The following ZNF484 variants were observed in gnomAD, a reference collection of about 807,000 sequenced individuals.
The protein encoded by ZNF484 is zinc finger protein 484, also known as KRAB box containing C2H2 type zinc finger bA526D8.4.
ZNF484 carries 11 observed loss-of-function variants against 12.9 expected under a neutral mutation model. That is an observed-to-expected ratio of 0.85 (90% CI 0.54 to 1.41). The LOEUF is 1.41. Among genes scored for constraint, ZNF484 ranks in the 40% most tolerant of loss-of-function variants. The probability of loss-of-function intolerance (pLI) is 0.00; values close to 1 mark genes in which losing one functional copy is unlikely to be tolerated. For synonymous variants in ZNF484, 289 were observed against 334.1 expected (o/e 0.86, Z 1.47); for missense variants, 807 against 1,007.7 (o/e 0.80, Z 2.70).
chr9:92,873,217 G>A (rs1014839987), intron 2 of ZNF484, among the ~76,000 whole-genome samples: 2 of 152,256 alleles, frequency 1.3e-5, no homozygotes, highest in East Asian at 1.9e-4. Context: ...TCTGGTTTTC[G>A]TCTACAAGCC....
chr9:92,855,450 A>G (rs996234088), intron 4 of ZNF484, among the ~76,000 whole-genome samples: 1 of 152,204 alleles, frequency 6.6e-6, no homozygotes, highest in African/African-American at 2.4e-5. Context: ...TTGAATGCAT[A>G]AGGAAATGAT....
At chr9:92,877,502 TATC>T (rs1412769558) in intron 1 of ZNF484, among the ~76,000 whole-genome samples, 1 of 152,150 alleles carries the variant, frequency 6.6e-6, no homozygotes, top group African/African-American at 2.4e-5. Context: ...TAGCAAAATA[TATC>T]ATTATAATGA....
At chr9:92,875,640 A>C (rs144066835) in intron 1 of ZNF484, among the ~76,000 whole-genome samples, 87 of 152,276 alleles carry the variant, frequency 5.7e-4, no homozygotes, top group Middle Eastern at 3.4e-3. Flanking sequence ...TGCCTGTATG[A>C]CTACCGATCA....
rs1855502655 is a variant in ZNF484 at position 92,844,993 on chromosome 9, A to G, written c.*1235T>C. ...TAAGAGACAAATAAATGAAATTATAATGTTATAACTTCTCCCCTTGTCCAG... is the reference window on the plus strand; with the variant it reads ...TAAGAGACAAATAAATGAAATTATAGTGTTATAACTTCTCCCCTTGTCCAG... On this transcript the variant is annotated 3_prime_UTR_variant, in exon 5 of 5. Transcript: ENST00000375495. The G allele has an allele frequency of 6.6e-6, 1 of 152,190 alleles. No individual in the cohort carries two copies. The highest frequency in any genetic ancestry group is 1.5e-5 in the Non-Finnish European group (1 of 68,008). 9.4% of individuals were successfully genotyped at this position (152,190 alleles called of 1,614,324 possible).
intron 2 of ZNF484, among the ~76,000 whole-genome samples, chr9:92,858,804 A>G (rs1268065185): frequency 1.3e-5 from 2 of 152,146 alleles, no homozygotes; most frequent in African/African-American, 4.8e-5. Flanking sequence ...ATAAAAAGTC[A>G]AGAAAGGAAT....
intron 4 of ZNF484, among the ~76,000 whole-genome samples, chr9:92,851,695 A>G (rs949680828): frequency 6.6e-6 from 1 of 152,198 alleles, no homozygotes; most frequent in Non-Finnish European, 1.5e-5. Flanking sequence ...ACTGCAGTCT[A>G]TTTTATCAAT....
intron 2 of ZNF484, among the ~76,000 whole-genome samples, chr9:92,868,429 T>C (rs1857238821): frequency 1.3e-5 from 2 of 152,260 alleles, no homozygotes; most frequent in Non-Finnish European, 2.9e-5. Flanking sequence ...ATTCCTTCTC[T>C]GTGTAACAGT....
chr9:92,858,268 G>A (rs1419185082), intron 2 of ZNF484, among the ~76,000 whole-genome samples: 1 of 151,970 alleles, frequency 6.6e-6, no homozygotes, highest in Non-Finnish European at 1.5e-5. Flanking sequence ...TCCTTATGCA[G>A]GTTTAACAGC....
chr9:92,874,994 G>A, intron 2 of ZNF484, 21 bp downstream of exon 2: 4 of 1,612,764 alleles, frequency 2.5e-6, no homozygotes, highest in Non-Finnish European at 3.4e-6. Flanking sequence ...CAAATAAACA[G>A]ATGAACAAAT....
intron 2 of ZNF484, among the ~76,000 whole-genome samples, chr9:92,863,760 A>G (rs1256875294): frequency 6.6e-6 from 1 of 152,232 alleles, no homozygotes; most frequent in East Asian, 1.9e-4. Flanking sequence ...GCACATATTG[A>G]GATTACAGGG....
intron 1 of ZNF484, 194 bp downstream of exon 1, chr9:92,877,696 C>T (rs1376235341): frequency 5.3e-6 from 7 of 1,314,398 alleles, no homozygotes; most frequent in Non-Finnish European, 7.3e-6. Flanking sequence ...CCAGTCCGTC[C>T]TCACTCCGCC....
rs1442406615 is a variant in ZNF484 at position 92,848,045 on chromosome 9, C to G, written c.742G>C (p.Glu248Gln). ...LIQQQKIHTR[E>Q]SLYLFSDYVN... ...TAGTCAGAAAACAAATAGAGGCTCT[C>G]TCTAGTATGAATTTTCTGTTGTTGA... The change falls in exon 5 of 5, where the codon GAG (glutamate) becomes CAG (glutamine). Residue 248 changes from glutamate to glutamine, a missense_variant. Coordinates refer to ENST00000375495, the MANE Select transcript of ZNF484 (RefSeq NM_031486.4). The surrounding 1 kb of genome is among the most constrained non-coding windows in gnomAD (Gnocchi z 4.1). The G allele has an allele frequency of 6.2e-7, 1 of 1,614,214 alleles. No homozygotes were observed. The highest frequency in any genetic ancestry group is 2.2e-5 in the East Asian group (1 of 44,888).
Position 92,847,758 on chromosome 9 carries a change from C to G in ZNF484, c.1029G>C (p.Leu343=). 6.2e-7 allele frequency: 1 copy of G among 1,613,886 alleles called. No homozygotes were observed. Among genetic ancestry groups the G allele is most frequent in the Non-Finnish European group, 8.5e-7 (1 of 1,180,016 alleles). Residue 343 remains leucine (L), a synonymous_variant, in exon 5 of 5, where the codon CTG becomes CTC. Coordinates refer to ENST00000375495, the MANE Select transcript of ZNF484 (RefSeq NM_031486.4). ...CAGAATGAATTCTCTGGCATCTGAA[C>G]AGATCTGACTTCTGGATAAAGGCTC... ...YGRAFIQKSD[L]FRCQRIHSGE...
Position 92,846,427 on chromosome 9 carries a change from A to G in ZNF484, c.2360T>C (p.Ile787Thr). 1 of 1,614,114 alleles carries G rather than the reference A, an allele frequency of 6.2e-7. No homozygotes were observed. The change falls in exon 5 of 5, where the codon ATC becomes ACC. Residue 787 changes from isoleucine (I) to threonine (T), a missense_variant. Physicochemically the swap from Ile to Thr is moderately conservative, Grantham distance 89. Transcript: ENST00000375495. ...ICAECGKAFT[I>T]RSNLIKHQKI... is the part of the protein sequence containing the mutation. The stretch of plus-strand genomic sequence containing the variant: ...CTGGTGTTTAATAAGATTTGATCTG[A>G]TGGTGAAGGCCTTTCCACACTCAGC...
chr9:92,870,796 G>T (rs1564116525), intron 2 of ZNF484, among the ~76,000 whole-genome samples: 1 of 152,302 alleles, frequency 6.6e-6, no homozygotes, highest in South Asian at 2.1e-4. Flanking sequence ...TTCAGACAAG[G>T]TGATGTCACC....
At chr9:92,874,310 CT>C (rs34348573) in intron 2 of ZNF484, among the ~76,000 whole-genome samples, 18,130 of 137,546 alleles carry the variant, frequency 0.13, 1,522 homozygotes, top group East Asian at 0.3. Flanking sequence ...TTCTTTCTTT[CT>C]TTTTTTTTTT....
Position 92,855,795 on chromosome 9 carries a change from T to C in ZNF484, c.235+16A>G. 6.2e-7 allele frequency: 1 copy of C among 1,612,782 alleles called. No homozygotes were observed. Among genetic ancestry groups the C allele is most frequent in the East Asian group, 2.2e-5 (1 of 44,868 alleles). On this transcript the variant is annotated intron_variant, in intron 4 of 4. Coordinates refer to ENST00000375495, the MANE Select transcript of ZNF484 (RefSeq NM_031486.4). ...CTGAGTCATACTGTCTACCATGCTC[T>C]TGGTTCCCTTCTCACCTGGACGGCT...
intron 2 of ZNF484, among the ~76,000 whole-genome samples, chr9:92,872,909 TA>T (rs201962665): frequency 2.9e-4 from 42 of 144,256 alleles, no homozygotes; most frequent in Non-Finnish European, 4.4e-4. Context: ...TTTCAAGTGC[TA>T]AAAAAAAAAA....
At position 92,845,757 on chromosome 9, in the gene ZNF484, A is replaced by G. The variant is rs1269398285; in HGVS notation, c.*471T>C. ...CTAACTGCTGCCCCAGCATACGCCA[A>G]CAGATATAACAATAAATAATGGTGA... On this transcript the variant is annotated 3_prime_UTR_variant, in exon 5 of 5. Coordinates refer to ENST00000375495, the MANE Select transcript of ZNF484 (RefSeq NM_031486.4). This position sits in a 1 kb window ranked among gnomAD's most constrained non-coding sequence, Gnocchi z 4.0. 2 of 155,760 alleles carry G rather than the reference A, an allele frequency of 1.3e-5. No individual in the cohort carries two copies. Among genetic ancestry groups the G allele is most frequent in the African/African-American group, 4.8e-5 (2 of 41,482 alleles). 9.6% of individuals were successfully genotyped at this position (155,760 alleles called of 1,614,324 possible).
Sources: allele counts gnomAD v4.1 joint callset (sites outside exome capture counted in the v4.1 genomes callset), GRCh38; gene constraint gnomAD v4.1.1; non-coding constraint Gnocchi (gnomAD v3.1); transcripts MANE v1.5; gene names NCBI Gene and HGNC (gene_info 2026-07-23, HGNC 2026-07-21).